Variants in ATP9A observed in about 807,000 individuals in gnomAD.
ATP9A encodes ATPase phospholipid transporting 9A, also known as probable phospholipid-transporting ATPase IIA.
A neutral mutation model predicts 144.1 loss-of-function variants in ATP9A; 52 were observed. The observed-to-expected ratio is 0.36, with a 90% CI of 0.29 to 0.45. ATP9A has a LOEUF of 0.45. Ranked by LOEUF, ATP9A falls within the 20% of genes least tolerant of loss-of-function variation. The pLI is 1.00. For missense variants in ATP9A, 947 were observed against 1,392.7 expected (o/e 0.68, Z 5.09); for synonymous variants, 582 against 557.4 (o/e 1.04, Z -0.62).
At chr20:51,705,176 A>G (rs2077610047) in intron 4 of ATP9A, among the ~76,000 whole-genome samples, 2 of 152,220 alleles carry the variant, frequency 1.3e-5, no homozygotes, top group African/African-American at 4.8e-5. Flanking sequence ...CACCTTCCCT[A>G]CATTATTATA....
chr20:51,670,473 C>T (rs2077451329), intron 12 of ATP9A, among the ~76,000 whole-genome samples: 2 of 152,184 alleles, frequency 1.3e-5, no homozygotes, highest in Non-Finnish European at 2.9e-5. Flanking sequence ...AAAGATACAT[C>T]CCTAATGGCA....
rs2077172308 is a variant in ATP9A, at chr20:51,608,463, G to A, written c.2745+55C>T. ...GAAAAAAAGCAGGGAGGGAGGGAAG[G>A]AAGGGAAAAGCAAAGGAGGAAAGGA... On this transcript the variant is annotated intron_variant, in intron 25 of 27. Coordinates refer to ENST00000338821, the MANE Select transcript of ATP9A (RefSeq NM_006045.3). The A allele has an allele frequency of 7.8e-6, 9 of 1,155,600 alleles. No homozygotes were observed. The South Asian group carries it at 1.1e-4, about 14-fold the overall frequency. The allele number at this position is 1,155,600 out of a possible 1,614,324, so 71.6% of individuals were successfully genotyped here.
At chr20:51,744,767 G>A (rs1185215053) in intron 1 of ATP9A, among the ~76,000 whole-genome samples, 1 of 152,180 alleles carries the variant, frequency 6.6e-6, no homozygotes, top group African/African-American at 2.4e-5. Context: ...AACCTTCCAG[G>A]AAGTTACAGG....
At chr20:51,692,968 G>C (rs2077554610) in intron 7 of ATP9A, among the ~76,000 whole-genome samples, 1 of 152,164 alleles carries the variant, frequency 6.6e-6, no homozygotes, top group Admixed American at 6.5e-5. Flanking sequence ...AGGGGACACA[G>C]TAAGGAGTGG....
chr20:51,601,296 G>A lies in ATP9A; in HGVS notation c.3059C>T (p.Thr1020Ile). ...LSFLWKVSVI[T>I]LVSCLPLYVL... ...ATAGAGGGGGAGGCAGCTGACCAGA[G>A]TGATGACGGAGACTTTCCACAAGAA... Residue 1020 changes from threonine to isoleucine, a missense_variant, in exon 28 of 28, where the codon ACT becomes ATT. Transcript: ENST00000338821. The A allele has an allele frequency of 6.2e-7, 1 of 1,613,840 alleles. No homozygotes were observed. The highest frequency in any genetic ancestry group is 8.5e-7 in the Non-Finnish European group (1 of 1,179,826).
intron 9 of ATP9A, among the ~76,000 whole-genome samples, chr20:51,682,891 G>A (rs980809145): frequency 5.5e-5 from 8 of 145,580 alleles, no homozygotes; most frequent in Non-Finnish European, 4.5e-5. Flanking sequence ...CCGCATTCAA[G>A]ACCAGCCTGA....
At position 51,637,898 on chromosome 20, in the gene ATP9A, T is replaced by C. The variant is rs533773414; in HGVS notation, c.1668+1445A>G. Among the ~76,000 whole-genome samples the C allele has an allele frequency of 3.3e-5, 5 of 150,874 alleles. No individual in the cohort carries two copies. The South Asian group carries it at 1.0e-3, about 32-fold the overall frequency. Reference sequence around the variant, plus strand: ...TGACTCGCCAAAGTCCATTGTATTATTCTTAAGCCTTTGCTTCCTCATAGC... The same window carrying C: ...TGACTCGCCAAAGTCCATTGTATTACTCTTAAGCCTTTGCTTCCTCATAGC... On this transcript the variant is annotated intron_variant, in intron 15 of 27. Coordinates refer to ENST00000338821, the MANE Select transcript of ATP9A (RefSeq NM_006045.3).
chr20:51,629,465 G>A (rs143336072), intron 15 of ATP9A, among the ~76,000 whole-genome samples: 4 of 152,256 alleles, frequency 2.6e-5, no homozygotes, highest in East Asian at 1.9e-4. Context: ...TCTCAACCTC[G>A]TCACTGTGAA....
Position 51,723,845 on chromosome 20 carries a change from G to A in ATP9A, c.327+1974C>T, listed in dbSNP as rs192952852. On this transcript the variant is annotated intron_variant, in intron 3 of 27. Coordinates refer to ENST00000338821, the MANE Select transcript of ATP9A (RefSeq NM_006045.3). ...GCTGGAATTACAGGTGTGAGCCACC[G>A]TGCCCGGCCTAAAAGCAAATTCTTT... is the stretch of plus-strand genomic sequence containing the variant. Among the ~76,000 whole-genome samples, 757 of 152,156 alleles carry A rather than the reference G, an allele frequency of 5.0e-3. 8 individuals are homozygous for A. Among genetic ancestry groups the A allele is most frequent in the African/African-American group, 0.017 (710 of 41,546 alleles).
intron 13 of ATP9A, among the ~76,000 whole-genome samples, chr20:51,662,375 T>G (rs949421183): frequency 2.6e-5 from 4 of 151,848 alleles, no homozygotes; most frequent in Non-Finnish European, 5.9e-5. Context: ...TGAAACCCAG[T>G]CTCTACTAAA....
At chr20:51,702,045 A>G (rs1327738283) in intron 4 of ATP9A, among the ~76,000 whole-genome samples, 2 of 152,114 alleles carry the variant, frequency 1.3e-5, no homozygotes, top group African/African-American at 4.8e-5. Context: ...CATGCCTGTA[A>G]TCCCAGCACT....
At chr20:51,633,912 A>AAGGG (rs2077280265) in intron 15 of ATP9A, among the ~76,000 whole-genome samples, 1 of 142,986 alleles carries the variant, frequency 7.0e-6, no homozygotes. Flanking sequence ...GGGAGGAAGA[A>AAGGG]AGGGAGGGAG....
At chr20:51,750,584 G>A (rs2077827203) in intron 1 of ATP9A, among the ~76,000 whole-genome samples, 1 of 152,174 alleles carries the variant, frequency 6.6e-6, no homozygotes, top group Non-Finnish European at 1.5e-5. Context: ...GCCAAGCGCT[G>A]TGGCAAAGCC....
chr20:51,619,084 G>A (rs766861657), intron 19 of ATP9A, 41 bp from the exon 20 acceptor site: 25 of 1,554,990 alleles, frequency 1.6e-5, no homozygotes, highest in South Asian at 1.5e-4. Flanking sequence ...ATTGCTCTCC[G>A]GACATGATAG....
chr20:51,745,325 T>C (rs1352947812), intron 1 of ATP9A, among the ~76,000 whole-genome samples: 1 of 148,262 alleles, frequency 6.7e-6, no homozygotes, highest in Non-Finnish European at 1.5e-5. Context: ...GTCCCAGCTA[T>C]TGGGGAGACT....
At chr20:51,711,346 C>G (rs370581890) in intron 4 of ATP9A, among the ~76,000 whole-genome samples, 2 of 152,024 alleles carry the variant, frequency 1.3e-5, no homozygotes, top group African/African-American at 4.8e-5. Flanking sequence ...AAACATACAC[C>G]TTTGACATTT....
intron 1 of ATP9A, among the ~76,000 whole-genome samples, chr20:51,736,573 C>T (rs113073439): frequency 1.1e-3 from 158 of 147,748 alleles, no homozygotes; most frequent in African/African-American, 3.7e-3. Flanking sequence ...AGGCAGGTCT[C>T]GAACTCCTGG....
chr20:51,750,232 T>A (rs2077825583), intron 1 of ATP9A, among the ~76,000 whole-genome samples: 1 of 152,150 alleles, frequency 6.6e-6, no homozygotes, highest in Admixed American at 6.5e-5. Context: ...GTCTGCAGCC[T>A]CTGATCTTGC....
At chr20:51,655,337 C>T (rs1013904688) in intron 14 of ATP9A, among the ~76,000 whole-genome samples, 1 of 152,154 alleles carries the variant, frequency 6.6e-6, no homozygotes, top group Non-Finnish European at 1.5e-5. Flanking sequence ...CACCTAAAAT[C>T]CCAGCACTCT....
Sources: allele counts gnomAD v4.1 joint callset (sites outside exome capture counted in the v4.1 genomes callset), GRCh38; gene constraint gnomAD v4.1.1; transcripts MANE v1.5; gene names NCBI Gene and HGNC (gene_info 2026-07-23, HGNC 2026-07-21).